Variants in BCAR3 observed in about 807,000 individuals in gnomAD.
The protein encoded by BCAR3 is BCAR3 adaptor protein, NSP family member, also known as breast cancer anti-estrogen resistance protein 3.
Under a neutral mutation model 80.1 loss-of-function variants are expected in BCAR3, and 37 were observed. The observed-to-expected ratio is 0.46, with a 90% CI of 0.36 to 0.61. The LOEUF (loss-of-function observed/expected upper bound fraction) is 0.61, where lower values mean the gene tolerates loss of function less well. BCAR3 is among the 20% of genes least tolerant of loss of function. The pLI, the probability that BCAR3 is intolerant of heterozygous loss-of-function variation, is 0.00. For synonymous variants in BCAR3, 389 were observed against 418.9 expected (o/e 0.93, Z 0.87); for missense variants, 978 against 1,068.2 (o/e 0.92, Z 1.18).
At position 93,578,031 on chromosome 1, in the gene BCAR3, C is replaced by T. The variant is rs563425287; in HGVS notation, c.1687-1902G>A. Among the ~76,000 whole-genome samples the T allele has an allele frequency of 7.9e-5, 12 of 152,370 alleles. No homozygotes were observed. In the South Asian group the frequency reaches 2.5e-3, roughly 32 times the overall value. ...GCAGCTCACTGACACAAAGGAAGGA[C>T]AAACATGTCTAGAGCATTTACTGTG... On this transcript the variant is annotated intron_variant, in intron 7 of 11. Transcript: ENST00000260502.
intron 3 of BCAR3, among the ~76,000 whole-genome samples, chr1:93,607,316 G>A (rs77316547): frequency 2.6e-4 from 39 of 152,276 alleles, no homozygotes; most frequent in Non-Finnish European, 2.1e-4. Context: ...ATGGAAACGA[G>A]GAGGGTTTTT....
At chr1:93,756,570 C>A (rs1285192185) in intron 2 of BCAR3, among the ~76,000 whole-genome samples, 1 of 152,202 alleles carries the variant, frequency 6.6e-6, no homozygotes, top group Non-Finnish European at 1.5e-5. Flanking sequence ...GCTGATAAAG[C>A]AAGTCAGTAT....
At chr1:93,630,705 G>A (rs1315551220) in intron 3 of BCAR3, among the ~76,000 whole-genome samples, 1 of 152,180 alleles carries the variant, frequency 6.6e-6, no homozygotes, top group Non-Finnish European at 1.5e-5. Flanking sequence ...GTGACTTGGG[G>A]ACTGCTTTTA....
At chr1:93,797,916 C>G (rs1349618341) in intron 2 of BCAR3, among the ~76,000 whole-genome samples, 2 of 152,068 alleles carry the variant, frequency 1.3e-5, no homozygotes, top group Non-Finnish European at 2.9e-5. Context: ...TATTTATAAC[C>G]CTGAGCTGGA....
At chr1:93,717,942 A>G (rs1409468144) in intron 2 of BCAR3, among the ~76,000 whole-genome samples, 5 of 152,138 alleles carry the variant, frequency 3.3e-5, no homozygotes, top group Non-Finnish European at 5.9e-5. Flanking sequence ...TTATGGTGGC[A>G]GAGGGTTGAA....
At chr1:93,642,066 T>C (rs1241099648) in intron 3 of BCAR3, among the ~76,000 whole-genome samples, 1 of 152,164 alleles carries the variant, frequency 6.6e-6, no homozygotes, top group Non-Finnish European at 1.5e-5. Context: ...AAACAAACTC[T>C]GAATTTTAAA....
chr1:93,826,374 T>C (rs1654372989), intron 2 of BCAR3, among the ~76,000 whole-genome samples: 1 of 152,182 alleles, frequency 6.6e-6, no homozygotes, highest in African/African-American at 2.4e-5. Context: ...AAATTTCTTC[T>C]GAGACCTTGC....
At chr1:93,653,879 G>A (rs185758806) in intron 2 of BCAR3, among the ~76,000 whole-genome samples, 1 of 152,288 alleles carries the variant, frequency 6.6e-6, no homozygotes, top group African/African-American at 2.4e-5. Context: ...TACATTTGGG[G>A]GACTGCAAGC....
Position 93,589,205 on chromosome 1 carries a change from T to A in BCAR3, c.701A>T (p.Tyr234Phe). The change falls in exon 5 of 12, where the codon TAC becomes TTC. Residue 234 changes from tyrosine (Y) to phenylalanine (F), a missense_variant. Tyr to Phe is a conservative substitution (Grantham distance 22). Coordinates refer to ENST00000260502, the MANE Select transcript of BCAR3 (RefSeq NM_003567.4). ...FDSIPGLVRCYVGNRRPISQQ... is the reference protein window; with the variant it reads ...FDSIPGLVRCFVGNRRPISQQ... ...GGAGATGGGCCGGCGGTTGCCCACG[T>A]AGCAGCGCACCAGGCCGGGGATGGA... 6.2e-7 allele frequency: 1 copy of A among 1,613,828 alleles called. No individual in the cohort carries two copies. The highest frequency in any genetic ancestry group is 2.2e-5 in the East Asian group (1 of 44,878).
At chr1:93,819,648 C>T (rs1175824415) in intron 2 of BCAR3, among the ~76,000 whole-genome samples, 4 of 152,174 alleles carry the variant, frequency 2.6e-5, no homozygotes, top group African/African-American at 7.2e-5. Context: ...ACCTTTGCAA[C>T]TTACAGAGAA....
rs748157973 is a variant in BCAR3, at chr1:93,592,433, C to G, written c.358-40G>C. Reference sequence around the variant, plus strand: ...CAACCATGAGCTCACCCTGCCCAGGCCACACCAGGCCATGCCAGCTGGAGG... The same window carrying G: ...CAACCATGAGCTCACCCTGCCCAGGGCACACCAGGCCATGCCAGCTGGAGG... On this transcript the variant is annotated intron_variant, in intron 3 of 11. Transcript: ENST00000260502. This position sits in a 1 kb window ranked among gnomAD's most constrained non-coding sequence, Gnocchi z 4.8. 1 of 1,542,844 alleles carries G rather than the reference C, an allele frequency of 6.5e-7. No homozygotes were observed. The highest frequency in any genetic ancestry group is 1.2e-5 in the South Asian group (1 of 82,510).
intron 2 of BCAR3, among the ~76,000 whole-genome samples, chr1:93,757,832 G>A (rs1331205275): frequency 1.3e-5 from 2 of 152,214 alleles, no homozygotes; most frequent in Non-Finnish European, 2.9e-5. Context: ...CATGGGTCAG[G>A]TTGTCTGGGA....
chr1:93,836,892 C>T (rs779229330), intron 2 of BCAR3, among the ~76,000 whole-genome samples: 6 of 152,098 alleles, frequency 3.9e-5, no homozygotes, highest in Non-Finnish European at 8.8e-5. Flanking sequence ...TTGTGACCCC[C>T]GCCCCTGCCT....
chr1:93,837,891 C>T (rs926006311), intron 2 of BCAR3, among the ~76,000 whole-genome samples: 1 of 152,212 alleles, frequency 6.6e-6, no homozygotes, highest in African/African-American at 2.4e-5. Flanking sequence ...GTATCAGCCC[C>T]AGTCATAAAT....
intron 3 of BCAR3, among the ~76,000 whole-genome samples, chr1:93,696,589 G>T (rs13373766): frequency 0.012 from 1,824 of 152,028 alleles, 39 homozygotes; most frequent in African/African-American, 0.041. Context: ...TCTCCATTCT[G>T]TCTTCCATGC....
Position 93,567,174 on chromosome 1 carries a change from C to G in BCAR3, c.2299+105G>C, listed in dbSNP as rs902134442. On this transcript the variant is annotated intron_variant, in intron 11 of 11. Transcript: ENST00000260502. The stretch of plus-strand genomic sequence containing the variant: ...GGAAATGGAATTCCATTCTTTAATC[C>G]TTCCTTTTTGGTCTTTTTCTAAGTG... 80 of 1,360,900 alleles carry G rather than the reference C, an allele frequency of 5.9e-5. No homozygotes were observed. The Middle Eastern group carries it at 1.3e-3, about 22-fold the overall frequency. 84.3% of individuals were successfully genotyped at this position (1,360,900 alleles called of 1,614,324 possible).
chr1:93,839,905 G>A (rs1654898015), intron 2 of BCAR3, among the ~76,000 whole-genome samples: 1 of 152,132 alleles, frequency 6.6e-6, no homozygotes, highest in Non-Finnish European at 1.5e-5. Flanking sequence ...GTAAAATACA[G>A]ATTTGATTCA....
At chr1:93,709,172 G>A (rs914967339) in intron 2 of BCAR3, among the ~76,000 whole-genome samples, 2 of 152,216 alleles carry the variant, frequency 1.3e-5, no homozygotes, top group African/African-American at 4.8e-5. Flanking sequence ...AGAGAAGAAC[G>A]AGGGGGAGTC....
chr1:93,656,149 T>C (rs892540369), intron 2 of BCAR3, among the ~76,000 whole-genome samples: 63 of 152,244 alleles, frequency 4.1e-4, no homozygotes, highest in African/African-American at 1.5e-3. Context: ...TGACTGCTTT[T>C]GAGATCTTTT....
Sources: gnomAD v4.1 joint callset for allele counts (sites outside exome capture counted in the v4.1 genomes callset) on GRCh38, gnomAD v4.1.1 for gene constraint, Gnocchi (gnomAD v3.1) non-coding constraint, MANE v1.5 for transcripts, NCBI Gene and HGNC (gene_info 2026-07-23, HGNC 2026-07-21) for gene names.